The following KAT2B variants were observed in gnomAD, a reference collection of about 807,000 sequenced individuals.
The protein encoded by KAT2B is histone acetyltransferase KAT2B.
KAT2B carries 36 observed loss-of-function variants against 105.9 expected under a neutral mutation model. The ratio of observed to expected loss-of-function variants is 0.34; its 90% CI spans 0.26 to 0.45. The LOEUF is 0.45. Among genes scored for constraint, KAT2B ranks in the 20% least tolerant of loss-of-function variants. The probability of loss-of-function intolerance (pLI) is 1.00; values close to 1 mark genes in which losing one functional copy is unlikely to be tolerated. For missense variants in KAT2B, 820 were observed against 1,021.6 expected, an observed-to-expected ratio of 0.80 and a Z score of 2.69; for synonymous variants, 397 against 377.9, an observed-to-expected ratio of 1.05 and a Z score of -0.59.
intron 6 of KAT2B, among the ~76,000 whole-genome samples, chr3:20,113,850 A>G (rs1699161624): frequency 6.6e-6 from 1 of 151,910 alleles, no homozygotes; most frequent in Non-Finnish European, 1.5e-5. Flanking sequence ...CTCTTTCCCC[A>G]TTCACCTATT....
intron 11 of KAT2B, among the ~76,000 whole-genome samples, chr3:20,133,630 A>T (rs1361906936): frequency 6.6e-6 from 1 of 152,162 alleles, no homozygotes; most frequent in Non-Finnish European, 1.5e-5. Flanking sequence ...TCTGTTTGGA[A>T]ATGTTTCCTT....
Position 20,152,871 on chromosome 3 carries a change from T to A in KAT2B, c.*346T>A, listed in dbSNP as rs1699892989. The A allele has an allele frequency of 6.2e-6, 1 of 160,218 alleles. No homozygotes were observed. The highest frequency in any genetic ancestry group is 2.4e-5 in the African/African-American group (1 of 41,720). 9.9% of individuals were successfully genotyped at this position (160,218 alleles called of 1,614,324 possible). A position where few individuals can be genotyped will look rare whatever the true frequency, so the allele number is the denominator to read the frequency against. On this transcript the variant is annotated 3_prime_UTR_variant, in exon 18 of 18. Coordinates refer to ENST00000263754, the MANE Select transcript of KAT2B (RefSeq NM_003884.5). ...CAGTAGCAAAATTTGGGGAAATCCATAACATTTTCAGACCATGAATGAATG... is the reference window on the plus strand; with the variant it reads ...CAGTAGCAAAATTTGGGGAAATCCAAAACATTTTCAGACCATGAATGAATG...
chr3:20,063,090 C>T (rs1396420403), intron 1 of KAT2B, among the ~76,000 whole-genome samples: 2 of 151,760 alleles, frequency 1.3e-5, no homozygotes, highest in East Asian at 1.9e-4. Context: ...TATTTTTAGA[C>T]AGTATCTTGC....
At chr3:20,111,808 G>T in intron 6 of KAT2B, 21 bp downstream of exon 6, 2 of 1,593,820 alleles carry the variant, frequency 1.3e-6, no homozygotes, top group Non-Finnish European at 1.7e-6. Flanking sequence ...GTTTTTGCTG[G>T]TCTTTGTTTG....
intron 2 of KAT2B, 23 bp downstream of exon 2, chr3:20,072,482 A>G: frequency 6.2e-7 from 1 of 1,610,556 alleles, no homozygotes; most frequent in Non-Finnish European, 8.5e-7. Context: ...ATCTTCAAGG[A>G]AAGTATAACG....
rs528733609 is a variant in KAT2B, at chr3:20,056,924, T to G, written c.304-15409T>G. Among the ~76,000 whole-genome samples the G allele has an allele frequency of 2.0e-5, 3 of 152,340 alleles. No homozygotes were observed. The East Asian group carries it at 5.8e-4, about 29-fold the overall frequency. ...GAGGGGAACATAACATGATTTGGAC[T>G]GCAATTGCCTTGGAAAGTAGTAAAC... On this transcript the variant is annotated intron_variant, in intron 1 of 17. Transcript: ENST00000263754.
chr3:20,075,887 A>G (rs1300293210), intron 2 of KAT2B, among the ~76,000 whole-genome samples: 1 of 149,428 alleles, frequency 6.7e-6, no homozygotes, highest in African/African-American at 2.5e-5. Flanking sequence ...AGCCTGGGCG[A>G]CAGAGCGAGA....
At chr3:20,047,933 A>G (rs1436335242) in intron 1 of KAT2B, among the ~76,000 whole-genome samples, 1 of 152,136 alleles carries the variant, frequency 6.6e-6, no homozygotes, top group Non-Finnish European at 1.5e-5. Flanking sequence ...ACCTTTTTAA[A>G]GTGATATTTT....
At chr3:20,085,662 C>T (rs982677146) in intron 2 of KAT2B, among the ~76,000 whole-genome samples, 1 of 151,958 alleles carries the variant, frequency 6.6e-6, no homozygotes, top group Non-Finnish European at 1.5e-5. Flanking sequence ...TGGCATGCAC[C>T]ACCACACCCG....
At chr3:20,123,164 C>G (rs570905414) in intron 9 of KAT2B, among the ~76,000 whole-genome samples, 2 of 152,326 alleles carry the variant, frequency 1.3e-5, no homozygotes, top group Non-Finnish European at 2.9e-5. Flanking sequence ...TGCTACCTCT[C>G]TTTCTCTCTG....
In KAT2B at chr3:20,062,421, TTA is replaced by T. The variant is rs1491302198; in HGVS notation, c.304-9905_304-9904del. On this transcript the variant is annotated intron_variant, in intron 1 of 17. Coordinates refer to ENST00000263754, the MANE Select transcript of KAT2B (RefSeq NM_003884.5). ...ATTATATATTATATATTATATATTATTATATATAATATATAATATATAGAAAT... is the reference window on the plus strand; with the variant it reads ...ATTATATATTATATATTATATATTATTATATAATATATAATATATAGAAAT... Among the ~76,000 whole-genome samples, 4 of 102,222 alleles carry T rather than the reference TTA, an allele frequency of 3.9e-5. No individual in the cohort carries two copies. The East Asian group carries it at 9.7e-4, about 25-fold the overall frequency. The allele number at this position is 102,222 out of a possible 152,430, so 67.1% of individuals were successfully genotyped here. A position where few individuals can be genotyped will look rare whatever the true frequency, so the allele number is the denominator to read the frequency against.
At chr3:20,044,589 G>T (rs757172805) in intron 1 of KAT2B, among the ~76,000 whole-genome samples, 1 of 107,656 alleles carries the variant, frequency 9.3e-6, no homozygotes, top group East Asian at 1.9e-4. Context: ...TCACCTAGTC[G>T]GGGGTGAGGT....
chr3:20,101,253 G>A (rs373659331), intron 4 of KAT2B, 34 bp from the exon 5 acceptor site: 35 of 1,584,106 alleles, frequency 2.2e-5, no homozygotes, highest in Non-Finnish European at 3.0e-5. Context: ...TGATTGCATA[G>A]CTGCATGAAG....
At chr3:20,048,350 A>C (rs952966459) in intron 1 of KAT2B, among the ~76,000 whole-genome samples, 11 of 152,206 alleles carry the variant, frequency 7.2e-5, no homozygotes, top group African/African-American at 2.4e-4. Flanking sequence ...AAACAGCAAA[A>C]TCTGCTGAGG....
intron 2 of KAT2B, among the ~76,000 whole-genome samples, chr3:20,081,312 C>T (rs559391341): frequency 6.6e-6 from 1 of 152,278 alleles, no homozygotes; most frequent in South Asian, 2.1e-4. Context: ...GCCAATGATA[C>T]ACGGAGCCAG....
At chr3:20,052,584 G>A (rs2125166870) in intron 1 of KAT2B, among the ~76,000 whole-genome samples, 1 of 151,716 alleles carries the variant, frequency 6.6e-6, no homozygotes, top group East Asian at 1.9e-4. Flanking sequence ...GCTCATGCCT[G>A]TAATCCCAGC....
intron 2 of KAT2B, among the ~76,000 whole-genome samples, chr3:20,083,430 G>A (rs1366540772): frequency 2.0e-5 from 3 of 152,160 alleles, no homozygotes; most frequent in Non-Finnish European, 4.4e-5. Flanking sequence ...TGAATTGATT[G>A]TCAGTATAGT....
chr3:20,121,757 T>C (rs925139266), intron 8 of KAT2B, among the ~76,000 whole-genome samples: 25 of 150,756 alleles, frequency 1.7e-4, no homozygotes, highest in Non-Finnish European at 3.4e-4. Flanking sequence ...TGTGTGTGTG[T>C]GTGTGTGTGT....
At position 20,153,265 on chromosome 3, in the gene KAT2B, G is replaced by C. The variant is rs1416873480; in HGVS notation, c.*740G>C. 6.6e-6 allele frequency: 1 copy of C among 152,092 alleles called. No individual in the cohort carries two copies. The highest frequency in any genetic ancestry group is 1.5e-5 in the Non-Finnish European group (1 of 67,966). 9.4% of individuals were successfully genotyped at this position (152,092 alleles called of 1,614,324 possible). On this transcript the variant is annotated 3_prime_UTR_variant, in exon 18 of 18. Transcript: ENST00000263754. Reference sequence around the variant, plus strand: ...TACACAAATGTGTAATATCATATTTGACTTTGCTTATGCAGGCCATAAGTT... The same window carrying C: ...TACACAAATGTGTAATATCATATTTCACTTTGCTTATGCAGGCCATAAGTT...
Sources: gnomAD v4.1 joint callset for allele counts (sites outside exome capture counted in the v4.1 genomes callset) on GRCh38, gnomAD v4.1.1 for gene constraint, MANE v1.5 for transcripts, NCBI Gene and HGNC (gene_info 2026-07-23, HGNC 2026-07-21) for gene names.